The following ASB14 variants were observed in gnomAD, a reference collection of about 807,000 sequenced individuals.
ASB14 encodes the protein ankyrin repeat and SOCS box containing 14.
Under a neutral mutation model 55.6 loss-of-function variants are expected in ASB14, and 63 were observed. The observed-to-expected ratio is 1.13, with a 90% CI of 0.92 to 1.40. The LOEUF (loss-of-function observed/expected upper bound fraction) is 1.40. ASB14 is among the 40% of genes most tolerant of loss of function. The pLI is 0.00. For missense variants in ASB14, 724 were observed against 710.4 expected, an observed-to-expected ratio of 1.02 and a Z score of -0.22; for synonymous variants, 256 against 259.9, an observed-to-expected ratio of 0.98 and a Z score of 0.15.
At chr3:57,283,169 G>A in intron 6 of ASB14, 25 bp downstream of exon 6, 1 of 1,551,564 alleles carries the variant, frequency 6.4e-7, no homozygotes, top group African/African-American at 1.4e-5. Context: ...CTTTGTTAGT[G>A]TGCTGACCAA....
At chr3:57,286,004 C>G (rs2061078227) in intron 5 of ASB14, among the ~76,000 whole-genome samples, 2 of 152,164 alleles carry the variant, frequency 1.3e-5, no homozygotes, top group East Asian at 3.8e-4. Context: ...TTGAGATTTC[C>G]TATGTCTGAA....
At chr3:57,284,941 G>GTTTTTT (rs10648367) in intron 5 of ASB14, among the ~76,000 whole-genome samples, 2 of 132,182 alleles carry the variant, frequency 1.5e-5, no homozygotes, top group South Asian at 2.4e-4. Flanking sequence ...TTTCAGTGTT[G>GTTTTTT]TTTTTTTTTT....
intron 5 of ASB14, among the ~76,000 whole-genome samples, chr3:57,284,567 T>C (rs1402744896): frequency 6.6e-6 from 1 of 152,226 alleles, no homozygotes; most frequent in Non-Finnish European, 1.5e-5. Flanking sequence ...ACATGCTGTT[T>C]AGGTGCCACA....
intron 5 of ASB14, 150 bp downstream of exon 5, chr3:57,287,751 G>C (rs529118867): frequency 1.1e-6 from 1 of 874,576 alleles, no homozygotes; most frequent in Admixed American, 2.9e-5. Context: ...CCAGCCTATG[G>C]AAAGCTTCTG....
chr3:57,276,908 T>C (rs956415832), intron 9 of ASB14, among the ~76,000 whole-genome samples, 180 bp from the exon 10 acceptor site: 2 of 152,166 alleles, frequency 1.3e-5, no homozygotes, highest in Non-Finnish European at 2.9e-5. Flanking sequence ...TCCAGAGCCA[T>C]GTCAAGTTAG....
chr3:57,277,886 T>C lies in ASB14; in HGVS notation c.1466A>G (p.His489Arg), dbSNP rs2061003054. 4.3e-6 allele frequency: 7 copies of C among 1,613,876 alleles called. No homozygotes were observed. In the Admixed American group the frequency reaches 1.2e-4, roughly 27 times the overall value. ...CEVITLSWLQ[H>R]LSGKVVRVML... ...CACTCGAACAACCTTTCCAGAGAGATGTTGCAGCCATGACAAAGTTATTAC... is the reference window on the plus strand; with the variant it reads ...CACTCGAACAACCTTTCCAGAGAGACGTTGCAGCCATGACAAAGTTATTAC... Residue 489 changes from histidine to arginine, a missense_variant, in exon 9 of 11, where the codon CAT (histidine) becomes CGT (arginine). His to Arg is a conservative substitution (Grantham distance 29). Transcript: ENST00000487349.
Position 57,280,967 on chromosome 3 carries a change from C to T in ASB14, c.716-494G>A, listed in dbSNP as rs547308752. On this transcript the variant is annotated intron_variant, in intron 6 of 10. Coordinates refer to ENST00000487349, the MANE Select transcript of ASB14 (RefSeq NM_001142733.3). The stretch of plus-strand genomic sequence containing the variant: ...AACTGTTTTTAATTGAGGTTAGGAA[C>T]TGCCAATAGCCAAAGAGGTAAGTTG... 1.2e-4 allele frequency among the ~76,000 whole-genome samples: 19 copies of T among 152,274 alleles called. No individual in the cohort carries two copies. In the South Asian group the frequency reaches 3.9e-3, roughly 32 times the overall value.
chr3:57,290,646 AC>A (rs1481412472), intron 2 of ASB14, among the ~76,000 whole-genome samples: 2 of 152,212 alleles, frequency 1.3e-5, no homozygotes, highest in African/African-American at 4.8e-5. Flanking sequence ...TAAGTATCAT[AC>A]ACTTCCTGCA....
intron 10 of ASB14, chr3:57,270,392 G>T (rs2060928239): frequency 6.6e-6 from 1 of 152,584 alleles, no homozygotes; most frequent in African/African-American, 2.4e-5. Context: ...TTAGTTCTCA[G>T]GTTGGGACTT....
intron 3 of ASB14, among the ~76,000 whole-genome samples, chr3:57,288,542 T>C (rs1029803485): frequency 6.6e-6 from 1 of 152,086 alleles, no homozygotes; most frequent in Non-Finnish European, 1.5e-5. Context: ...AGGAGCTCTT[T>C]GCTTCATTGA....
intron 10 of ASB14, among the ~76,000 whole-genome samples, chr3:57,276,080 A>G (rs916085545): frequency 2.0e-5 from 3 of 152,170 alleles, no homozygotes; most frequent in African/African-American, 2.4e-5. Context: ...TTCTCTATAA[A>G]AAAGATACTG....
Position 57,278,824 on chromosome 3 carries a change from C to CT in ASB14, c.983dup (p.Cys329ValfsTer11), listed in dbSNP as rs769135596. The CT allele has an allele frequency of 1.1e-5, 18 of 1,613,590 alleles. No individual in the cohort carries two copies. The highest frequency in any genetic ancestry group is 1.5e-5 in the Non-Finnish European group (18 of 1,179,806). On this transcript the variant is annotated frameshift_variant, in exon 8 of 11. Transcript: ENST00000487349. LOFTEE classifies it high-confidence loss of function. Reference sequence around the variant, plus strand: ...CAGCCTGGATGAGGAGTTCCAGGCACTGAGGATGTGCTCCTGCTGCTGCAC... The same window carrying CT: ...CAGCCTGGATGAGGAGTTCCAGGCACTTGAGGATGTGCTCCTGCTGCTGCAC...
chr3:57,273,885 G>C (rs1413327485), intron 10 of ASB14, among the ~76,000 whole-genome samples: 1 of 152,000 alleles, frequency 6.6e-6, no homozygotes, highest in Non-Finnish European at 1.5e-5. Context: ...TTAGTGTTTT[G>C]TCTTGGATTT....
chr3:57,288,870 A>G (rs1319388883), intron 3 of ASB14, 198 bp downstream of exon 3: 1 of 420,808 alleles, frequency 2.4e-6, no homozygotes, highest in Non-Finnish European at 4.3e-6. Flanking sequence ...GCCCGCCACC[A>G]TGCCCGGCTA....
At chr3:57,289,809 G>A (rs1232637675) in intron 2 of ASB14, among the ~76,000 whole-genome samples, 3 of 149,760 alleles carry the variant, frequency 2.0e-5, no homozygotes, top group Non-Finnish European at 3.0e-5. Context: ...CATCACGGCC[G>A]GCTAATTTTT....
Position 57,269,405 on chromosome 3 carries a change from CT to C in ASB14, c.*235del. On this transcript the variant is annotated 3_prime_UTR_variant, in exon 11 of 11. Transcript: ENST00000487349. ...GTTGTATTGTTTGGGTGTAGCTTTT[CT>C]TTTTATCAAGTTGTCAGAAGTATGC... The C allele has an allele frequency of 1.2e-6, 1 of 818,582 alleles. No homozygotes were observed. The allele number at this position is 818,582 out of a possible 1,614,324, so 50.7% of individuals were successfully genotyped here.
rs1470056132 is a variant in ASB14 at position 57,276,766 on chromosome 3, AC to A, written c.1586-39del. The A allele has an allele frequency of 1.9e-6, 3 of 1,564,294 alleles. No homozygotes were observed. The Admixed American group carries it at 5.9e-5, about 31-fold the overall frequency. On this transcript the variant is annotated intron_variant, in intron 9 of 10. Transcript: ENST00000487349. The stretch of plus-strand genomic sequence containing the variant: ...GGCACATTATCCAAAGAGAAAAAGA[AC>A]TTTTTTTTTAGTATCTTAGGGTTTT...
At chr3:57,274,802 C>A (rs1374885907) in intron 10 of ASB14, among the ~76,000 whole-genome samples, 1 of 152,150 alleles carries the variant, frequency 6.6e-6, no homozygotes, top group Non-Finnish European at 1.5e-5. Context: ...AATACAGAAA[C>A]CATAAGCCAT....
intron 9 of ASB14, 49 bp from the exon 10 acceptor site, chr3:57,276,777 A>G (rs750736736): frequency 6.6e-5 from 100 of 1,523,978 alleles, no homozygotes; most frequent in Non-Finnish European, 8.1e-5. Flanking sequence ...CTTTTTTTTT[A>G]GTATCTTAGG....
Sources: gnomAD v4.1 joint callset for allele counts (sites outside exome capture counted in the v4.1 genomes callset) on GRCh38, gnomAD v4.1.1 for gene constraint, MANE v1.5 for transcripts, NCBI Gene and HGNC (gene_info 2026-07-23, HGNC 2026-07-21) for gene names.